B4GALT5: variants seen among roughly 807,000 people sequenced by gnomAD.
B4GALT5 encodes the protein beta-1,4-galactosyltransferase 5, also known as UDP-Gal:beta-GlcNAc beta-1,4-galactosyltransferase 5.
B4GALT5 carries 11 observed loss-of-function variants against 45.0 expected under a neutral mutation model. The observed-to-expected ratio is 0.24, with a 90% confidence interval of 0.15 to 0.40. The LOEUF (loss-of-function observed/expected upper bound fraction) is 0.40. Ranked by LOEUF, B4GALT5 falls within the 10% of genes least tolerant of loss-of-function variation. The pLI, the probability that B4GALT5 is intolerant of heterozygous loss-of-function variation, is 1.00. For synonymous variants in B4GALT5, 185 were observed against 182.9 expected (o/e 1.01, Z -0.09); for missense variants, 337 against 500.2 (o/e 0.67, Z 3.11).
intron 1 of B4GALT5, among the ~76,000 whole-genome samples, chr20:49,686,739 A>G (rs1245482087): frequency 6.7e-6 from 1 of 149,866 alleles, no homozygotes; most frequent in East Asian, 1.9e-4. Flanking sequence ...AAAAAAAAAA[A>G]AAAAAAAAAA....
chr20:49,682,468 C>T lies in B4GALT5; in HGVS notation c.116-25766G>A, dbSNP rs556986812. On this transcript the variant is annotated intron_variant, in intron 1 of 8. Transcript: ENST00000371711. ...TCTGTTCCAGCCACACGGGCCTTCT[C>T]GCTGTCCTGTCCTGAAGATACCCAT... 5.3e-5 allele frequency among the ~76,000 whole-genome samples: 8 copies of T among 152,322 alleles called. No homozygotes were observed. In the South Asian group the frequency reaches 6.2e-4, roughly 12 times the overall value.
intron 1 of B4GALT5, among the ~76,000 whole-genome samples, chr20:49,702,429 A>G (rs1422654356): frequency 6.6e-6 from 1 of 152,234 alleles, no homozygotes; most frequent in Non-Finnish European, 1.5e-5. Context: ...AAAATTAGGT[A>G]AATTGGGCCT....
chr20:49,702,569 A>G (rs2085866612), intron 1 of B4GALT5, among the ~76,000 whole-genome samples: 1 of 152,186 alleles, frequency 6.6e-6, no homozygotes, highest in South Asian at 2.1e-4. Flanking sequence ...AAGAACTCCT[A>G]ACAGGCCGGG....
intron 4 of B4GALT5, 72 bp downstream of exon 4, chr20:49,643,454 C>T (rs1482958008): frequency 1.3e-6 from 2 of 1,571,310 alleles, no homozygotes; most frequent in Non-Finnish European, 1.7e-6. Flanking sequence ...TTAGCTAATC[C>T]CATGGTGATT....
chr20:49,635,296 T>C lies in B4GALT5; in HGVS notation c.*1016A>G, dbSNP rs955703143. On this transcript the variant is annotated 3_prime_UTR_variant, in exon 9 of 9. Transcript: ENST00000371711. ...CACGAAGCCTGGAGAGCCAGAGATG[T>C]GTGTGCAGCGAGCCCCGAAGGGCCT... 4 of 131,002 alleles carry C rather than the reference T, an allele frequency of 3.1e-5. No individual in the cohort carries two copies. The South Asian group carries it at 8.0e-4, about 26-fold the overall frequency. 8.1% of individuals were successfully genotyped at this position (131,002 alleles called of 1,614,324 possible).
At chr20:49,699,451 G>A (rs527836434) in intron 1 of B4GALT5, among the ~76,000 whole-genome samples, 3 of 150,574 alleles carry the variant, frequency 2.0e-5, no homozygotes, top group East Asian at 2.0e-4. Context: ...TGACTGCATC[G>A]GACATGATTA....
intron 1 of B4GALT5, among the ~76,000 whole-genome samples, chr20:49,665,511 T>C (rs1165568526): frequency 2.0e-5 from 3 of 150,274 alleles, no homozygotes; most frequent in Non-Finnish European, 3.0e-5. Context: ...TAAGGACTTT[T>C]TACACTTCTA....
chr20:49,639,879 TAA>T, intron 6 of B4GALT5, 79 bp from the exon 7 acceptor site: 1 of 1,555,052 alleles, frequency 6.4e-7, no homozygotes, highest in South Asian at 1.2e-5. Context: ...ATTTGAGGAC[TAA>T]AAACAGTGCT....
At chr20:49,676,577 T>C (rs1261108563) in intron 1 of B4GALT5, among the ~76,000 whole-genome samples, 1 of 152,242 alleles carries the variant, frequency 6.6e-6, no homozygotes, top group African/African-American at 2.4e-5. Flanking sequence ...GCTCAGGATA[T>C]ACTTGCCAAC....
chr20:49,636,318 C>T lies in B4GALT5; in HGVS notation c.1161G>A (p.Glu387=). 6.2e-7 allele frequency: 1 copy of T among 1,614,104 alleles called. No individual in the cohort carries two copies. Among genetic ancestry groups the T allele is most frequent in the Non-Finnish European group, 8.5e-7 (1 of 1,179,998 alleles). The change falls in exon 9 of 9, where the codon GAG becomes GAA. Residue 387 remains glutamate (E), a synonymous_variant. Coordinates refer to ENST00000371711, the MANE Select transcript of B4GALT5 (RefSeq NM_004776.4). ...NLTPELAQVN[E]Y Reference sequence around the variant, plus strand: ...AAACGTACATTCTCTCCTCTCAGTACTCGTTCACCTGAGCCAGCTCGGGTG... The same window carrying T: ...AAACGTACATTCTCTCCTCTCAGTATTCGTTCACCTGAGCCAGCTCGGGTG...
intron 1 of B4GALT5, 121 bp downstream of exon 1, chr20:49,713,455 G>T: frequency 1.0e-6 from 1 of 977,014 alleles, no homozygotes; most frequent in Non-Finnish European, 1.5e-6. Context: ...GGACTCCGGA[G>T]TCTTCGGAGG....
intron 2 of B4GALT5, among the ~76,000 whole-genome samples, chr20:49,649,699 A>G (rs1312548737): frequency 6.6e-6 from 1 of 152,252 alleles, no homozygotes; most frequent in Admixed American, 6.5e-5. Flanking sequence ...CTTCTTCTGA[A>G]GGTAGTAACT....
chr20:49,643,456 A>G, intron 4 of B4GALT5, 70 bp downstream of exon 4: 1 of 1,583,068 alleles, frequency 6.3e-7, no homozygotes, highest in African/African-American at 1.4e-5. Context: ...AGCTAATCCC[A>G]TGGTGATTCG....
intron 1 of B4GALT5, among the ~76,000 whole-genome samples, chr20:49,685,561 C>T (rs1480037235): frequency 6.6e-6 from 1 of 152,168 alleles, no homozygotes; most frequent in Non-Finnish European, 1.5e-5. Flanking sequence ...GCCTGGATCC[C>T]AGTGCTCACC....
At chr20:49,701,477 C>T (rs913476) in intron 1 of B4GALT5, among the ~76,000 whole-genome samples, 77,014 of 151,700 alleles carry the variant, frequency 0.51, 19,838 homozygotes, top group South Asian at 0.65. Flanking sequence ...TAAAGGATAA[C>T]AGAAAAAAAA....
chr20:49,684,689 C>T (rs73119782), intron 1 of B4GALT5: 2 of 515,166 alleles, frequency 3.9e-6, no homozygotes, highest in Non-Finnish European at 7.7e-6. Flanking sequence ...TACCTGCAGA[C>T]TTAAACGACA....
intron 1 of B4GALT5, among the ~76,000 whole-genome samples, chr20:49,682,341 G>A (rs931342831): frequency 6.6e-6 from 1 of 152,220 alleles, no homozygotes; most frequent in African/African-American, 2.4e-5. Context: ...AGTCGAAAAC[G>A]TTTACATCTG....
chr20:49,656,834 T>C lies in B4GALT5; in HGVS notation c.116-132A>G, dbSNP rs148390205. On this transcript the variant is annotated intron_variant, in intron 1 of 8. Transcript: ENST00000371711. ...CTTTTAGTTCTTTTAAAACCCTACA[T>C]GACCATAACTCTATTTTCCATACCT... The C allele has an allele frequency of 1.1e-5, 12 of 1,139,970 alleles. No individual in the cohort carries two copies. In the East Asian group the frequency reaches 3.0e-4, roughly 28 times the overall value. 70.6% of individuals were successfully genotyped at this position (1,139,970 alleles called of 1,614,324 possible).
intron 2 of B4GALT5, among the ~76,000 whole-genome samples, chr20:49,653,420 T>C (rs1439478324): frequency 6.6e-6 from 1 of 152,252 alleles, no homozygotes; most frequent in East Asian, 1.9e-4. Context: ...GTTAAATTCA[T>C]TCCTTCATGC....
Sources: allele counts gnomAD v4.1 joint callset (sites outside exome capture counted in the v4.1 genomes callset), GRCh38; gene constraint gnomAD v4.1.1; transcripts MANE v1.5; gene names NCBI Gene and HGNC (gene_info 2026-07-23, HGNC 2026-07-21).